Variants in PDE5A observed in about 807,000 individuals in gnomAD.
PDE5A encodes phosphodiesterase 5A, also known as cGMP-specific 3',5'-cyclic phosphodiesterase.
Under a neutral mutation model 110.2 loss-of-function variants are expected in PDE5A, and 67 were observed. The observed-to-expected ratio is 0.61, with a 90% CI of 0.50 to 0.75. PDE5A has a LOEUF of 0.75. PDE5A is among the 30% of genes least tolerant of loss of function. PDE5A has a pLI of 0.00. For synonymous variants in PDE5A, 328 were observed against 351.2 expected (o/e 0.93, Z 0.74); for missense variants, 862 against 1,045.1 (o/e 0.82, Z 2.42).
intron 9 of PDE5A, among the ~76,000 whole-genome samples, chr4:119,545,245 G>C (rs576601206): frequency 1.1e-4 from 17 of 152,134 alleles, no homozygotes; most frequent in African/African-American, 3.9e-4. Context: ...AACAAACAGG[G>C]TTCCCTGTTT....
chr4:119,588,787 T>G (rs1418196494), intron 3 of PDE5A, among the ~76,000 whole-genome samples: 1 of 152,214 alleles, frequency 6.6e-6, no homozygotes, highest in Admixed American at 6.5e-5. Context: ...AATTAGCTGA[T>G]ACTTTTTGAA....
chr4:119,498,523 C>CAGTAT lies in PDE5A; in HGVS notation c.*77_*78insATACT. On this transcript the variant is annotated 3_prime_UTR_variant, in exon 21 of 21. Transcript: ENST00000354960. ...GTATATACCAAATACAGACACTATA[C>CAGTAT]AGACAGTGTGTAAGAAACTAGGCAT... 1 of 1,495,878 alleles carries CAGTAT rather than the reference C, an allele frequency of 6.7e-7. No individual in the cohort carries two copies. The allele number at this position is 1,495,878 out of a possible 1,614,324, so 92.7% of individuals were successfully genotyped here.
intron 3 of PDE5A, among the ~76,000 whole-genome samples, chr4:119,595,879 A>G (rs1389116241): frequency 6.6e-6 from 1 of 152,210 alleles, no homozygotes; most frequent in Admixed American, 6.6e-5. Context: ...GTAATCTTTT[A>G]GACTTCTCCA....
intron 7 of PDE5A, among the ~76,000 whole-genome samples, chr4:119,559,417 A>G (rs961547892): frequency 1.3e-5 from 2 of 152,236 alleles, no homozygotes; most frequent in African/African-American, 2.4e-5. Flanking sequence ...GACTTTTAAT[A>G]TGATTATCAT....
chr4:119,619,977 G>C (rs550587320), intron 1 of PDE5A, among the ~76,000 whole-genome samples: 1 of 152,262 alleles, frequency 6.6e-6, no homozygotes, highest in East Asian at 1.9e-4. Context: ...AACCCTTGAG[G>C]GGCATTTGGA....
chr4:119,556,984 T>G (rs10018280), intron 7 of PDE5A, among the ~76,000 whole-genome samples: 44,533 of 151,624 alleles, frequency 0.29, 6,571 homozygotes, highest in East Asian at 0.38. Flanking sequence ...TATTATAGTG[T>G]CCTTTAGAAT....
chr4:119,501,085 G>A, intron 20 of PDE5A, 85 bp downstream of exon 20: 1 of 762,692 alleles, frequency 1.3e-6, no homozygotes, highest in Non-Finnish European at 2.2e-6. Flanking sequence ...GCAAAATATA[G>A]GCGCCTAATA....
At chr4:119,514,726 A>G (rs763313349) in intron 14 of PDE5A, among the ~76,000 whole-genome samples, 3 of 152,200 alleles carry the variant, frequency 2.0e-5, no homozygotes, top group Non-Finnish European at 2.9e-5. Context: ...TTGAACTCCT[A>G]TCTGTTGCTA....
rs182439085 is a variant in PDE5A at position 119,569,631 on chromosome 4, T to C, written c.832-2487A>G. On this transcript the variant is annotated intron_variant, in intron 3 of 20. Transcript: ENST00000354960. ...TAAACCCACAGCAATAAAAATAACA[T>C]AAAATAAATATAGTAGGACAATTAC... The C allele has an allele frequency of 2.0e-3, 311 of 152,342 alleles. 1 individual carries two copies. The highest frequency in any genetic ancestry group is 2.5e-3 in the Admixed American group (38 of 15,268). 9.4% of individuals were successfully genotyped at this position (152,342 alleles called of 1,614,324 possible). A position where few individuals can be genotyped will look rare whatever the true frequency, so the allele number is the denominator to read the frequency against.
intron 3 of PDE5A, among the ~76,000 whole-genome samples, chr4:119,569,518 C>A (rs1045339463): frequency 2.8e-5 from 4 of 144,432 alleles, no homozygotes; most frequent in South Asian, 2.2e-4. Context: ...AAAAAAAAAA[C>A]AAGTTCTGTC....
intron 1 of PDE5A, among the ~76,000 whole-genome samples, chr4:119,620,841 A>G (rs1170092280): frequency 2.0e-5 from 3 of 152,202 alleles, no homozygotes; most frequent in Non-Finnish European, 4.4e-5. Flanking sequence ...CCTTCATAGC[A>G]AGTAAAAAAT....
intron 3 of PDE5A, among the ~76,000 whole-genome samples, chr4:119,573,458 T>C (rs1728211027): frequency 6.6e-6 from 1 of 152,214 alleles, no homozygotes; most frequent in Admixed American, 6.5e-5. Flanking sequence ...TTTTTATTGT[T>C]ATTGGCTAAG....
At chr4:119,499,404 A>G (rs765221950) in intron 20 of PDE5A, among the ~76,000 whole-genome samples, 2 of 152,236 alleles carry the variant, frequency 1.3e-5, no homozygotes, top group Non-Finnish European at 1.5e-5. Flanking sequence ...GCAAAAGGCA[A>G]TTACTGAATT....
At chr4:119,506,296 C>A (rs1725551941) in intron 16 of PDE5A, among the ~76,000 whole-genome samples, 1 of 151,722 alleles carries the variant, frequency 6.6e-6, no homozygotes, top group South Asian at 2.1e-4. Context: ...CTATAGGTTT[C>A]AGTTTATCAT....
chr4:119,577,857 A>C (rs1728419920), intron 3 of PDE5A, among the ~76,000 whole-genome samples: 1 of 152,196 alleles, frequency 6.6e-6, no homozygotes, highest in African/African-American at 2.4e-5. Context: ...CAGGAGAAGG[A>C]AATAAAGGGT....
chr4:119,502,408 T>C, intron 19 of PDE5A, 173 bp downstream of exon 19: 1 of 480,750 alleles, frequency 2.1e-6, no homozygotes, highest in Non-Finnish European at 3.7e-6. Flanking sequence ...TGCCTTTTAT[T>C]GGTTTTGCTT....
intron 20 of PDE5A, 89 bp from the exon 21 acceptor site, chr4:119,498,827 A>G (rs1405242351): frequency 3.7e-6 from 5 of 1,360,454 alleles, no homozygotes; most frequent in South Asian, 1.2e-5. Flanking sequence ...CACATCCCAC[A>G]CTCATTTCAT....
chr4:119,559,126 A>T (rs10213673), intron 7 of PDE5A, among the ~76,000 whole-genome samples: 3,439 of 152,252 alleles, frequency 0.023, 134 homozygotes, highest in African/African-American at 0.078. Context: ...TAAATCAATA[A>T]GTGGAAAGAT....
At chr4:119,502,055 G>T (rs144341195) in intron 19 of PDE5A, among the ~76,000 whole-genome samples, 33 of 152,252 alleles carry the variant, frequency 2.2e-4, no homozygotes, top group African/African-American at 6.5e-4. Context: ...GACTGTGGTG[G>T]TGGCATGACA....
Sources: allele counts gnomAD v4.1 joint callset (sites outside exome capture counted in the v4.1 genomes callset), GRCh38; gene constraint gnomAD v4.1.1; transcripts MANE v1.5; gene names NCBI Gene and HGNC (gene_info 2026-07-23, HGNC 2026-07-21).